The following SLC67A2 variants were observed in gnomAD, a reference collection of about 807,000 sequenced individuals.
SLC67A2 encodes the protein solute carrier family 67 member A2.
the SLC67A2 span, among the ~76,000 whole-genome samples, chr2:102,720,767 C>T: frequency 6.6e-6 from 1 of 152,236 alleles, no homozygotes. Context: ...ACCATATGAA[C>T]AGAAATCACA....
the SLC67A2 span, chr2:102,736,611 C>T: frequency 1.4e-4 from 228 of 1,613,578 alleles, no homozygotes; most frequent in Non-Finnish European, 1.8e-4. Flanking sequence ...CGAACACAGT[C>T]AGCACTTGCT....
chr2:102,732,388 C>T, the SLC67A2 span: 2 of 1,612,416 alleles, frequency 1.2e-6, no homozygotes, highest in African/African-American at 2.7e-5. Context: ...AAAGGCACAA[C>T]CATGCTGACA....
At chr2:102,736,594 C>A in the SLC67A2 span, 1 of 1,613,426 alleles carries the variant, frequency 6.2e-7, no homozygotes, top group Non-Finnish European at 8.5e-7. Context: ...GCCTGGGTCC[C>A]CAGGCCCGAA....
chr2:102,735,795 A>G, the SLC67A2 span, among the ~76,000 whole-genome samples: 3 of 151,970 alleles, frequency 2.0e-5, no homozygotes, highest in Non-Finnish European at 4.4e-5. Flanking sequence ...TAAACTTTCC[A>G]TTCTACGTGG....
the SLC67A2 span, among the ~76,000 whole-genome samples, chr2:102,727,149 C>T: frequency 6.6e-6 from 1 of 151,766 alleles, no homozygotes; most frequent in Non-Finnish European, 1.5e-5. Context: ...GATCTTCACA[C>T]ACAGTGAATG....
chr2:102,718,639 C>A, the SLC67A2 span: 1 of 1,613,724 alleles, frequency 6.2e-7, no homozygotes, highest in African/African-American at 1.3e-5. Flanking sequence ...GGGCCCCGCC[C>A]ACAGTCAGCT....
chr2:102,734,502 T>C, the SLC67A2 span, among the ~76,000 whole-genome samples: 1 of 152,074 alleles, frequency 6.6e-6, no homozygotes, highest in Non-Finnish European at 1.5e-5. Flanking sequence ...CAGAAACCAT[T>C]TGTCCAAGAA....
chr2:102,719,639 A>C, the SLC67A2 span, among the ~76,000 whole-genome samples: 3 of 152,252 alleles, frequency 2.0e-5, no homozygotes, highest in African/African-American at 4.8e-5. Flanking sequence ...AGTGCTTCTT[A>C]AGTGCTAAAC....
the SLC67A2 span, chr2:102,731,053 A>G: frequency 6.2e-7 from 1 of 1,613,992 alleles, no homozygotes. Context: ...GAGTTGCAAA[A>G]TGCCATAGGA....
chr2:102,721,512 T>C, the SLC67A2 span, among the ~76,000 whole-genome samples: 1 of 152,142 alleles, frequency 6.6e-6, no homozygotes, highest in East Asian at 1.9e-4. Flanking sequence ...TAAAGTACAA[T>C]ATCATTAAAT....
At chr2:102,719,237 C>A in the SLC67A2 span, 1 of 1,591,582 alleles carries the variant, frequency 6.3e-7, no homozygotes, top group Non-Finnish European at 8.6e-7. Flanking sequence ...CCGGTTAAAG[C>A]ATCTGAATGC....
the SLC67A2 span, among the ~76,000 whole-genome samples, chr2:102,732,915 G>A: frequency 0.23 from 34,349 of 152,076 alleles, 3,861 homozygotes; most frequent in Middle Eastern, 0.27. Context: ...AAGTGAATGG[G>A]CTTTGGGGTC....
the SLC67A2 span, chr2:102,730,991 T>C: frequency 2.5e-6 from 4 of 1,602,930 alleles, no homozygotes; most frequent in Non-Finnish European, 2.6e-6. Flanking sequence ...TTTTACTACA[T>C]CTGTGATGGA....
the SLC67A2 span, chr2:102,736,826 G>A: frequency 4.4e-6 from 7 of 1,590,812 alleles, no homozygotes; most frequent in African/African-American, 5.4e-5. Flanking sequence ...CGCCGGCCGG[G>A]GGTCGGACGC....
At chr2:102,719,713 A>G in the SLC67A2 span, among the ~76,000 whole-genome samples, 1 of 152,180 alleles carries the variant, frequency 6.6e-6, no homozygotes, top group Non-Finnish European at 1.5e-5. Context: ...TAAAACCTAA[A>G]AAGAGGTTCA....
At chr2:102,734,436 A>G in the SLC67A2 span, among the ~76,000 whole-genome samples, 7 of 152,194 alleles carry the variant, frequency 4.6e-5, no homozygotes, top group African/African-American at 1.4e-4. Flanking sequence ...GATAACTGCT[A>G]AAACAGAACA....
chr2:102,721,481 T>C, the SLC67A2 span, among the ~76,000 whole-genome samples: 1 of 152,200 alleles, frequency 6.6e-6, no homozygotes. Flanking sequence ...ACCTTGAATA[T>C]GAAGATTCAA....
chr2:102,727,699 T>C, the SLC67A2 span, among the ~76,000 whole-genome samples: 1 of 152,190 alleles, frequency 6.6e-6, no homozygotes, highest in Non-Finnish European at 1.5e-5. Flanking sequence ...GTTGTTCCAA[T>C]TCTATGCAGG....
chr2:102,716,017 T>C, the SLC67A2 span: 1 of 152,206 alleles, frequency 6.6e-6, no homozygotes, highest in Non-Finnish European at 1.5e-5. Context: ...CAGGTGATGC[T>C]GATGCTACTG....
Sources: gnomAD v4.1 joint callset for allele counts (sites outside exome capture counted in the v4.1 genomes callset) on GRCh38, gnomAD v4.1.1 for gene constraint, MANE v1.5 for transcripts, NCBI Gene and HGNC (gene_info 2026-07-23, HGNC 2026-07-21) for gene names.